CSMD2: variants seen among roughly 807,000 people sequenced by gnomAD.
The protein encoded by CSMD2 is CUB and Sushi multiple domains 2.
A neutral mutation model predicts 398.5 loss-of-function variants in CSMD2; 130 were observed. That is an observed-to-expected ratio of 0.33 (90% CI 0.28 to 0.38). The LOEUF is 0.38. Among genes scored for constraint, CSMD2 ranks in the 10% least tolerant of loss-of-function variants. CSMD2 has a pLI of 1.00. For missense variants in CSMD2, 3,829 were observed against 4,764.9 expected (o/e 0.80, Z 5.78); for synonymous variants, 1,828 against 1,908.5 (o/e 0.96, Z 1.10).
chr1:33,950,762 C>G (rs1644984272), intron 3 of CSMD2, among the ~76,000 whole-genome samples: 1 of 152,222 alleles, frequency 6.6e-6, no homozygotes, highest in African/African-American at 2.4e-5. Context: ...CTCTCTAGAC[C>G]TGGCCTGCAA....
At chr1:33,596,757 C>T (rs548111321) in intron 44 of CSMD2, among the ~76,000 whole-genome samples, 2 of 152,296 alleles carry the variant, frequency 1.3e-5, no homozygotes, top group South Asian at 4.1e-4. Flanking sequence ...CCTGGTCCCT[C>T]CCATGACATA....
chr1:34,025,783 T>C (rs1212940015), intron 3 of CSMD2, among the ~76,000 whole-genome samples: 1 of 152,128 alleles, frequency 6.6e-6, no homozygotes, highest in East Asian at 1.9e-4. Context: ...TTCATCCCTA[T>C]CCAATGGACA....
At chr1:34,116,933 C>T (rs1480036016) in intron 1 of CSMD2, among the ~76,000 whole-genome samples, 1 of 151,990 alleles carries the variant, frequency 6.6e-6, no homozygotes, top group East Asian at 1.9e-4. Context: ...TAGAAAATAT[C>T]TTGAGACGAA....
At chr1:34,139,402 C>T (rs755307708) in intron 1 of CSMD2, among the ~76,000 whole-genome samples, 1 of 152,156 alleles carries the variant, frequency 6.6e-6, no homozygotes, top group Non-Finnish European at 1.5e-5. Context: ...TGCAGCCCCT[C>T]GACCTTGGAC....
chr1:33,579,700 CAG>C (rs1020688846), intron 48 of CSMD2, among the ~76,000 whole-genome samples: 37 of 149,084 alleles, frequency 2.5e-4, no homozygotes, highest in Admixed American at 5.3e-4. Context: ...TTTTTTGAGA[CAG>C]AGTTTCACTC....
rs1040598311 is a variant in CSMD2 at position 33,957,941 on chromosome 1, G to A, written c.518-21987C>T. ...ATTAACTCAGTCACTGTGTGTGTGT[G>A]TGTGTGTGTGTGTGTGCACGCACGC... is the stretch of plus-strand genomic sequence containing the variant. On this transcript the variant is annotated intron_variant, in intron 3 of 70. Transcript: ENST00000373381. 1.4e-4 allele frequency among the ~76,000 whole-genome samples: 22 copies of A among 151,926 alleles called. No homozygotes were observed. The South Asian group carries it at 3.3e-3, about 23-fold the overall frequency.
chr1:34,058,089 G>A (rs1654059874), intron 2 of CSMD2, among the ~76,000 whole-genome samples: 1 of 152,222 alleles, frequency 6.6e-6, no homozygotes, highest in African/African-American at 2.4e-5. Flanking sequence ...GAGCACAGCT[G>A]TAGTGGGAGT....
intron 2 of CSMD2, among the ~76,000 whole-genome samples, chr1:34,081,858 C>T (rs999254584): frequency 1.3e-5 from 2 of 152,000 alleles, no homozygotes; most frequent in African/African-American, 2.4e-5. Context: ...TAACTGGCTG[C>T]CCATCGTCTG....
intron 19 of CSMD2, among the ~76,000 whole-genome samples, chr1:33,719,117 C>T (rs1019257436): frequency 7.2e-5 from 11 of 152,064 alleles, no homozygotes; most frequent in African/African-American, 2.2e-4. Flanking sequence ...GAAGGCTTCA[C>T]GGGGGTCAAA....
intron 2 of CSMD2, among the ~76,000 whole-genome samples, chr1:34,064,865 C>T (rs911391816): frequency 1.1e-4 from 17 of 152,028 alleles, no homozygotes; most frequent in African/African-American, 2.9e-4. Context: ...TGGCAGGAGG[C>T]GAAAGGCACT....
intron 3 of CSMD2, among the ~76,000 whole-genome samples, chr1:34,029,327 C>A (rs923901337): frequency 6.6e-6 from 1 of 152,198 alleles, no homozygotes; most frequent in Non-Finnish European, 1.5e-5. Context: ...CCCTCCTCCA[C>A]CCCACAATGA....
rs565204180 is a variant in CSMD2 at position 33,595,426 on chromosome 1, C to T, written c.6856+5439G>A. Among the ~76,000 whole-genome samples the T allele has an allele frequency of 6.6e-5, 10 of 152,194 alleles. No individual in the cohort carries two copies. The South Asian group carries it at 1.7e-3, about 25-fold the overall frequency. Reference sequence around the variant, plus strand: ...TTTGTCCCATTATTGATGAGGTGGGCGTGTCTTCCAGTCTTCTCCACTTCT... The same window carrying T: ...TTTGTCCCATTATTGATGAGGTGGGTGTGTCTTCCAGTCTTCTCCACTTCT... On this transcript the variant is annotated intron_variant, in intron 44 of 70. Coordinates refer to ENST00000373381, the MANE Select transcript of CSMD2 (RefSeq NM_001281956.2).
At position 33,918,286 on chromosome 1, in the gene CSMD2, C is replaced by T; in HGVS notation, c.728G>A (p.Gly243Asp). The change falls in exon 5 of 71, where the codon GGT (glycine) becomes GAT (aspartate). Residue 243 changes from glycine (G) to aspartate (D), a missense_variant. This residue lies in a region of CSMD2 where 2,001 missense variants were observed against 2,567.1 expected (regional missense o/e 0.78). Transcript: ENST00000373381. ...GCCACTCTGGCCCCGCAGGGTCCCA[C>T]CACAGGCATCATCAGCTGTGGGCAC... ...LPSCRADDAC[G>D]GTLRGQSGII... The T allele has an allele frequency of 6.2e-7, 1 of 1,613,894 alleles. No individual in the cohort carries two copies.
chr1:34,015,124 C>T (rs889975045), intron 3 of CSMD2, among the ~76,000 whole-genome samples: 3 of 152,194 alleles, frequency 2.0e-5, no homozygotes, highest in African/African-American at 7.2e-5. Flanking sequence ...GGAGAAGTGT[C>T]CCATGACCAT....
At chr1:33,670,503 G>T (rs1405027077) in intron 25 of CSMD2, among the ~76,000 whole-genome samples, 2 of 152,080 alleles carry the variant, frequency 1.3e-5, no homozygotes, top group African/African-American at 4.8e-5. Context: ...TGGAAGTTCT[G>T]AGCTCTTCCT....
chr1:33,864,339 A>G (rs1639793706), intron 5 of CSMD2: 5 of 1,613,890 alleles, frequency 3.1e-6, no homozygotes, highest in Non-Finnish European at 4.2e-6. Context: ...GGAAAAATGG[A>G]GATCCATCTC....
chr1:33,756,306 T>C (rs1649006071), intron 13 of CSMD2, among the ~76,000 whole-genome samples: 2 of 152,174 alleles, frequency 1.3e-5, no homozygotes, highest in Admixed American at 1.3e-4. Flanking sequence ...AGCTCAAGTA[T>C]TGATGGAGTG....
At chr1:33,830,211 G>A (rs1320561935) in intron 6 of CSMD2, among the ~76,000 whole-genome samples, 1 of 152,218 alleles carries the variant, frequency 6.6e-6, no homozygotes, top group Non-Finnish European at 1.5e-5. Context: ...GCCTCCTCAA[G>A]TGGGTCCCTG....
At chr1:33,651,154 G>A (rs1017644948) in intron 28 of CSMD2, among the ~76,000 whole-genome samples, 1 of 152,176 alleles carries the variant, frequency 6.6e-6, no homozygotes, top group African/African-American at 2.4e-5. Flanking sequence ...AGATGGGGCA[G>A]AGGAACCAGC....
Sources: gnomAD v4.1 joint callset for allele counts (sites outside exome capture counted in the v4.1 genomes callset) on GRCh38, gnomAD v4.1.1 for gene constraint, gnomAD v4.1.1 regional missense constraint, MANE v1.5 for transcripts, NCBI Gene and HGNC (gene_info 2026-07-23, HGNC 2026-07-21) for gene names.